The following ZSWIM6 variants were observed in gnomAD, a reference collection of about 807,000 sequenced individuals.
ZSWIM6 encodes zinc finger SWIM-type containing 6.
In ZSWIM6, 9 loss-of-function variants were observed where a neutral mutation model predicts 113.2. The observed-to-expected ratio is 0.08, with a 90% CI of 0.05 to 0.14. The LOEUF is 0.14. Among genes scored for constraint, ZSWIM6 ranks in the 10% least tolerant of loss-of-function variants. ZSWIM6 has a pLI of 1.00. For synonymous variants in ZSWIM6, 611 were observed against 606.5 expected (o/e 1.01, Z -0.11); for missense variants, 1,162 against 1,552.2 (o/e 0.75, Z 4.22).
intron 9 of ZSWIM6, among the ~76,000 whole-genome samples, chr5:61,534,256 A>G (rs928091100): frequency 6.6e-6 from 1 of 152,230 alleles, no homozygotes; most frequent in African/African-American, 2.4e-5. Context: ...GATTTGGTAA[A>G]ATTAGAGATT....
chr5:61,511,095 G>A (rs542795338), intron 4 of ZSWIM6, among the ~76,000 whole-genome samples: 1 of 152,288 alleles, frequency 6.6e-6, no homozygotes, highest in African/African-American at 2.4e-5. Flanking sequence ...GCTAATTACA[G>A]CTTTGTAGTG....
intron 3 of ZSWIM6, among the ~76,000 whole-genome samples, chr5:61,491,198 A>T (rs1053228619): frequency 6.6e-6 from 1 of 152,024 alleles, no homozygotes; most frequent in African/African-American, 2.4e-5. Context: ...TCTTACAATA[A>T]TAAAAGCAAA....
intron 2 of ZSWIM6, among the ~76,000 whole-genome samples, chr5:61,485,875 A>G (rs988621522): frequency 6.6e-6 from 1 of 152,212 alleles, no homozygotes; most frequent in Non-Finnish European, 1.5e-5. Context: ...TACTCTTTAA[A>G]ATGTCCTTCC....
intron 3 of ZSWIM6, among the ~76,000 whole-genome samples, chr5:61,493,204 G>A (rs901164275): frequency 1.3e-5 from 2 of 152,040 alleles, no homozygotes; most frequent in African/African-American, 4.8e-5. Flanking sequence ...TATAGAGCAG[G>A]AGAGTTCTTG....
chr5:61,446,175 C>T (rs1431120617), intron 1 of ZSWIM6, among the ~76,000 whole-genome samples: 5 of 152,204 alleles, frequency 3.3e-5, no homozygotes, highest in African/African-American at 1.2e-4. Context: ...TACAGACGCT[C>T]CACCACTCCC....
chr5:61,444,519 C>T (rs2112150720), intron 1 of ZSWIM6, among the ~76,000 whole-genome samples: 1 of 152,200 alleles, frequency 6.6e-6, no homozygotes, highest in East Asian at 1.9e-4. Flanking sequence ...TGAGAAATCG[C>T]CACACTGACT....
At chr5:61,335,673 A>G (rs1262121873) in intron 1 of ZSWIM6, among the ~76,000 whole-genome samples, 3 of 152,254 alleles carry the variant, frequency 2.0e-5, no homozygotes, top group Non-Finnish European at 4.4e-5. Context: ...AGTGTACAGA[A>G]AGTATTCATT....
At chr5:61,439,940 A>G (rs1746790481) in intron 1 of ZSWIM6, among the ~76,000 whole-genome samples, 1 of 152,192 alleles carries the variant, frequency 6.6e-6, no homozygotes, top group Admixed American at 6.5e-5. Flanking sequence ...TATGTAGTTC[A>G]AGTGCCCTTT....
intron 1 of ZSWIM6, among the ~76,000 whole-genome samples, chr5:61,422,504 C>T (rs1261490180): frequency 6.6e-6 from 1 of 152,080 alleles, no homozygotes; most frequent in East Asian, 1.9e-4. Context: ...TAATGTTATT[C>T]CTCCAGTTTT....
intron 1 of ZSWIM6, among the ~76,000 whole-genome samples, chr5:61,426,493 C>T (rs1184551289): frequency 1.3e-5 from 2 of 152,172 alleles, no homozygotes; most frequent in East Asian, 3.8e-4. Context: ...TCTTACAAAA[C>T]TACATACAGA....
At chr5:61,384,247 CAAAAAAAAAA>C (rs57899277) in intron 1 of ZSWIM6, among the ~76,000 whole-genome samples, 1 of 77,514 alleles carries the variant, frequency 1.3e-5, no homozygotes, top group Non-Finnish European at 2.8e-5. Flanking sequence ...GACTCCGTCT[CAAAAAAAAAA>C]AAAAAAAAAA....
chr5:61,435,003 C>T (rs976206140), intron 1 of ZSWIM6, among the ~76,000 whole-genome samples: 2 of 152,058 alleles, frequency 1.3e-5, no homozygotes, highest in Non-Finnish European at 2.9e-5. Flanking sequence ...CACAATTTAA[C>T]TCCTTGTGAA....
chr5:61,501,719 A>G (rs1020519290), intron 4 of ZSWIM6, among the ~76,000 whole-genome samples: 5 of 152,158 alleles, frequency 3.3e-5, no homozygotes, highest in African/African-American at 1.2e-4. Flanking sequence ...TGTCTTATAT[A>G]TGTTGTGTGT....
chr5:61,477,593 T>A (rs1184804505), intron 2 of ZSWIM6, among the ~76,000 whole-genome samples: 2 of 152,206 alleles, frequency 1.3e-5, no homozygotes, highest in African/African-American at 2.4e-5. Flanking sequence ...AGAATTCCAT[T>A]TAAGTCTGCC....
At chr5:61,360,206 T>C (rs1745005162) in intron 1 of ZSWIM6, among the ~76,000 whole-genome samples, 1 of 149,152 alleles carries the variant, frequency 6.7e-6, no homozygotes, top group South Asian at 2.1e-4. Context: ...GTTGCTGCTG[T>C]TGGAGGTATC....
At chr5:61,391,142 T>A in intron 1 of ZSWIM6, 1 of 778,012 alleles carries the variant, frequency 1.3e-6, no homozygotes, top group Non-Finnish European at 2.4e-6. Context: ...CCTCGATGGG[T>A]CTTGTGGGGT....
chr5:61,444,245 G>A (rs973694987), intron 1 of ZSWIM6, among the ~76,000 whole-genome samples: 2 of 151,576 alleles, frequency 1.3e-5, no homozygotes, highest in Non-Finnish European at 2.9e-5. Context: ...ATGGTTTCCA[G>A]TTTCATCCAT....
At chr5:61,536,872 A>AT in intron 10 of ZSWIM6, among the ~76,000 whole-genome samples, 1 of 152,328 alleles carries the variant, frequency 6.6e-6, no homozygotes, top group South Asian at 2.1e-4. Flanking sequence ...AAATAAGTCA[A>AT]TAACAAACAT....
Position 61,544,135 on chromosome 5 carries a change from C to A in ZSWIM6, c.3466C>A (p.Arg1156=). 3 of 1,551,830 alleles carry A rather than the reference C, an allele frequency of 1.9e-6. No homozygotes were observed. Among genetic ancestry groups the A allele is most frequent in the Non-Finnish European group, 2.6e-6 (3 of 1,147,014 alleles). ...GGCCTACATCAACACAACGCACTCA[C>A]GGCTCACACACATCAGTCCTCGGCA... The part of the protein sequence containing the change: ...IGAYINTTHS[R]LTHISPRHYS... The change falls in exon 14 of 14, where the codon CGG becomes AGG. Residue 1156 remains arginine, a synonymous_variant. Coordinates refer to ENST00000252744, the MANE Select transcript of ZSWIM6 (RefSeq NM_020928.2).
Sources: gnomAD v4.1 joint callset for allele counts (sites outside exome capture counted in the v4.1 genomes callset) on GRCh38, gnomAD v4.1.1 for gene constraint, MANE v1.5 for transcripts, NCBI Gene and HGNC (gene_info 2026-07-23, HGNC 2026-07-21) for gene names.